Variants in PRKCA observed in about 807,000 individuals in gnomAD.
PRKCA encodes protein kinase C alpha type.
PRKCA carries 27 observed loss-of-function variants against 87.0 expected under a neutral mutation model. The ratio of observed to expected loss-of-function variants is 0.31; its 90% CI spans 0.23 to 0.43. PRKCA has a LOEUF of 0.43. PRKCA is among the 20% of genes least tolerant of loss of function. The probability of loss-of-function intolerance (pLI) is 1.00; values close to 1 mark genes in which losing one functional copy is unlikely to be tolerated. For missense variants in PRKCA, 518 were observed against 852.3 expected (o/e 0.61, Z 4.88); for synonymous variants, 329 against 311.1 (o/e 1.06, Z -0.61).
At chr17:66,361,912 T>C (rs1908412523) in intron 2 of PRKCA, among the ~76,000 whole-genome samples, 2 of 152,204 alleles carry the variant, frequency 1.3e-5, no homozygotes, top group East Asian at 3.9e-4. Context: ...CAGAGAACAA[T>C]GTGAGAGTGT....
At chr17:66,528,841 G>T (rs946128251) in intron 3 of PRKCA, among the ~76,000 whole-genome samples, 1 of 152,208 alleles carries the variant, frequency 6.6e-6, no homozygotes, top group African/African-American at 2.4e-5. Flanking sequence ...TTTTGATTGG[G>T]TGCTTGTGAG....
At chr17:66,421,642 C>T (rs1962562236) in intron 2 of PRKCA, among the ~76,000 whole-genome samples, 1 of 151,836 alleles carries the variant, frequency 6.6e-6, no homozygotes, top group Non-Finnish European at 1.5e-5. Context: ...AAGCAATTCT[C>T]CTGCCTCAGC....
chr17:66,366,184 A>G (rs930734753), intron 2 of PRKCA, among the ~76,000 whole-genome samples: 1 of 152,174 alleles, frequency 6.6e-6, no homozygotes, highest in Non-Finnish European at 1.5e-5. Context: ...AACCTTTTAG[A>G]TGTCAACACA....
intron 2 of PRKCA, among the ~76,000 whole-genome samples, chr17:66,387,749 T>A (rs28541858): frequency 0.15 from 22,225 of 152,180 alleles, 1,801 homozygotes; most frequent in East Asian, 0.28. Flanking sequence ...CCCGCAGCAG[T>A]TAGAGCAGCT....
At chr17:66,580,858 G>T (rs974987031) in intron 3 of PRKCA, among the ~76,000 whole-genome samples, 4 of 152,026 alleles carry the variant, frequency 2.6e-5, no homozygotes, top group African/African-American at 7.2e-5. Flanking sequence ...AATTTTGCCT[G>T]TTTTTTGGGC....
At chr17:66,634,610 C>G (rs932278738) in intron 3 of PRKCA, among the ~76,000 whole-genome samples, 3 of 152,126 alleles carry the variant, frequency 2.0e-5, no homozygotes, top group African/African-American at 7.2e-5. Context: ...TAAAAGTGTG[C>G]TTTGTTAAGG....
chr17:66,473,147 T>G lies in PRKCA; in HGVS notation c.206-23054T>G, dbSNP rs1915394209. On this transcript the variant is annotated intron_variant, in intron 2 of 16. Coordinates refer to ENST00000413366, the MANE Select transcript of PRKCA (RefSeq NM_002737.3). ...TGCTCCAGTATTGCATATTTTTACCTGACTCTGCAGCGGGCTGCCTCCCCC... is the reference window on the plus strand; with the variant it reads ...TGCTCCAGTATTGCATATTTTTACCGGACTCTGCAGCGGGCTGCCTCCCCC... 3.9e-5 allele frequency among the ~76,000 whole-genome samples: 6 copies of G among 152,254 alleles called. 1 individual carries two copies. The Middle Eastern group carries it at 0.014, about 345-fold the overall frequency.
chr17:66,695,725 A>G (rs1316120853), intron 8 of PRKCA, among the ~76,000 whole-genome samples: 1 of 152,222 alleles, frequency 6.6e-6, no homozygotes, highest in African/African-American at 2.4e-5. Context: ...TTAAAAAGCC[A>G]AAAAGAAACT....
At chr17:66,468,610 T>G (rs917094704) in intron 2 of PRKCA, among the ~76,000 whole-genome samples, 5 of 149,454 alleles carry the variant, frequency 3.3e-5, no homozygotes, top group Admixed American at 2.6e-4. Context: ...CTGGAGTAAA[T>G]GCCCAGGGTT....
chr17:66,427,690 G>A (rs1241984068), intron 2 of PRKCA, among the ~76,000 whole-genome samples: 1 of 152,204 alleles, frequency 6.6e-6, no homozygotes, highest in Admixed American at 6.5e-5. Context: ...AAGCAGTTAA[G>A]AAAGAGTTTC....
chr17:66,562,137 T>TA lies in PRKCA; in HGVS notation c.288+65854_288+65855insA, dbSNP rs1567899773. Among the ~76,000 whole-genome samples, 2 of 16,982 alleles carry TA rather than the reference T, an allele frequency of 1.2e-4. 1 individual carries two copies. The highest frequency in any genetic ancestry group is 1.6e-3 in the African/African-American group (2 of 1,216). 11.1% of individuals were successfully genotyped at this position (16,982 alleles called of 152,430 possible). ...ATATAATTAAATATATATAATTAAA[T>TA]TATATATATAATTAAATTATATATA... On this transcript the variant is annotated intron_variant, in intron 3 of 16. Coordinates refer to ENST00000413366, the MANE Select transcript of PRKCA (RefSeq NM_002737.3).
At chr17:66,608,116 G>A (rs1430946656) in intron 3 of PRKCA, among the ~76,000 whole-genome samples, 2 of 151,788 alleles carry the variant, frequency 1.3e-5, no homozygotes, top group African/African-American at 4.8e-5. Flanking sequence ...GGAGCACACC[G>A]ACTGAAGCAC....
At chr17:66,326,027 C>T (rs1415844170) in intron 2 of PRKCA, among the ~76,000 whole-genome samples, 1 of 152,144 alleles carries the variant, frequency 6.6e-6, no homozygotes, top group Admixed American at 6.5e-5. Flanking sequence ...CTAGGAATAA[C>T]CGGAGGACCT....
intron 3 of PRKCA, among the ~76,000 whole-genome samples, chr17:66,631,609 A>C (rs1325553800): frequency 1.3e-5 from 2 of 152,104 alleles, no homozygotes; most frequent in African/African-American, 4.8e-5. Context: ...TCAGAATTCC[A>C]TATTAAACCA....
chr17:66,800,154 C>G (rs35681698), intron 16 of PRKCA, among the ~76,000 whole-genome samples: 1 of 152,114 alleles, frequency 6.6e-6, no homozygotes, highest in Non-Finnish European at 1.5e-5. Context: ...ATCTCTCCAC[C>G]GAAGTGAACC....
rs7218106 is a variant in PRKCA, at chr17:66,437,137, G to A, written c.206-59064G>A. Among the ~76,000 whole-genome samples, 1,458 of 152,304 alleles carry A rather than the reference G, an allele frequency of 9.6e-3. 30 individuals carry two copies. The highest frequency in any genetic ancestry group is 0.034 in the African/African-American group (1,398 of 41,566). ...AGGGCAAGAAATTAGAAATACAAATGCAGGCAGGAATGCATGTGGGAGACC... is the reference window on the plus strand; with the variant it reads ...AGGGCAAGAAATTAGAAATACAAATACAGGCAGGAATGCATGTGGGAGACC... On this transcript the variant is annotated intron_variant, in intron 2 of 16. Transcript: ENST00000413366.
intron 2 of PRKCA, among the ~76,000 whole-genome samples, chr17:66,437,082 A>G (rs1241257094): frequency 6.6e-6 from 1 of 152,240 alleles, no homozygotes; most frequent in African/African-American, 2.4e-5. Context: ...GGAGTTAAGA[A>G]TTTAAAAGCT....
intron 2 of PRKCA, among the ~76,000 whole-genome samples, chr17:66,442,085 T>C (rs1035387336): frequency 6.6e-6 from 1 of 151,586 alleles, no homozygotes; most frequent in Non-Finnish European, 1.5e-5. Flanking sequence ...TTCTTTGAGA[T>C]GGAGTCTCGC....
At chr17:66,775,730 T>C in intron 14 of PRKCA, 8 of 985,448 alleles carry the variant, frequency 8.1e-6, no homozygotes, top group Non-Finnish European at 9.6e-6. Flanking sequence ...GTTACGTCCA[T>C]TGACTCATTT....
Sources: allele counts gnomAD v4.1 joint callset (sites outside exome capture counted in the v4.1 genomes callset), GRCh38; gene constraint gnomAD v4.1.1; transcripts MANE v1.5; gene names NCBI Gene and HGNC (gene_info 2026-07-23, HGNC 2026-07-21).